COL6A2: variants seen among roughly 807,000 people sequenced by gnomAD.
The protein encoded by COL6A2 is collagen type VI alpha 2 chain.
COL6A2 carries 90 observed loss-of-function variants against 124.9 expected under a neutral mutation model. That is an observed-to-expected ratio of 0.72 (90% CI 0.61 to 0.86). The LOEUF (loss-of-function observed/expected upper bound fraction) is 0.86, where lower values mean the gene tolerates loss of function less well. Ranked by LOEUF, COL6A2 falls within the 40% of genes least tolerant of loss-of-function variation. COL6A2 has a pLI of 0.00. For missense variants in COL6A2, 1,607 were observed against 1,502.5 expected, an observed-to-expected ratio of 1.07 and a Z score of -1.15; for synonymous variants, 793 against 618.2, an observed-to-expected ratio of 1.28 and a Z score of -4.19.
At chr21:46,129,252 C>A (rs774439734) in intron 27 of COL6A2, 3 of 1,612,938 alleles carry the variant, frequency 1.9e-6, no homozygotes, top group African/African-American at 1.3e-5. Context: ...GGAAGAGGGG[C>A]CGGACGCCAC....
At chr21:46,108,074 T>G (rs1206634503) in intron 1 of COL6A2, among the ~76,000 whole-genome samples, 1 of 151,636 alleles carries the variant, frequency 6.6e-6, no homozygotes, top group Non-Finnish European at 1.5e-5. Context: ...TTCTCTTTCT[T>G]TCTCTCTTTC....
intron 1 of COL6A2, among the ~76,000 whole-genome samples, chr21:46,102,684 T>C (rs748146622): frequency 6.7e-5 from 10 of 148,784 alleles, no homozygotes; most frequent in Non-Finnish European, 1.0e-4. Flanking sequence ...CTTCATTCTG[T>C]TAATGTGTAT....
intron 26 of COL6A2, 73 bp from the exon 27 acceptor site, chr21:46,126,429 AG>A (rs2078669084): frequency 6.3e-7 from 1 of 1,591,992 alleles, no homozygotes; most frequent in Admixed American, 1.7e-5. Flanking sequence ...CTGTCTAGGC[AG>A]ATCAGTGAAC....
chr21:46,118,734 C>T (rs2078515195), intron 13 of COL6A2, 58 bp downstream of exon 13: 1 of 1,547,724 alleles, frequency 6.5e-7, no homozygotes, highest in African/African-American at 1.4e-5. Flanking sequence ...GCCCATGGCC[C>T]AGATGAACAG....
At chr21:46,118,736 G>T in intron 13 of COL6A2, 60 bp downstream of exon 13, 1 of 1,548,412 alleles carries the variant, frequency 6.5e-7, no homozygotes, top group South Asian at 1.2e-5. Context: ...CCATGGCCCA[G>T]ATGAACAGTC....
chr21:46,117,326 C>T, intron 10 of COL6A2, 74 bp from the exon 11 acceptor site: 2 of 1,455,506 alleles, frequency 1.4e-6, no homozygotes, highest in Non-Finnish European at 1.9e-6. Context: ...ACCGGGTGGG[C>T]TGTGTCTTGG....
At chr21:46,120,960 T>C (rs2078556665) in intron 16 of COL6A2, 101 bp from the exon 17 acceptor site, 1 of 1,152,914 alleles carries the variant, frequency 8.7e-7, no homozygotes, top group African/African-American at 1.5e-5. Flanking sequence ...GCCAGACCCG[T>C]CTTACCCCCG....
chr21:46,124,852 C>A, intron 22 of COL6A2, 33 bp from the exon 23 acceptor site: 1 of 1,612,674 alleles, frequency 6.2e-7, no homozygotes, highest in Non-Finnish European at 8.5e-7. Context: ...CAGCCTTGGC[C>A]CCAGAGTCTC....
intron 21 of COL6A2, among the ~76,000 whole-genome samples, chr21:46,123,761 TGGGG>T: frequency 7.8e-6 from 1 of 127,898 alleles, no homozygotes; most frequent in Admixed American, 7.5e-5. Flanking sequence ...AATGGATGAG[TGGGG>T]GGATGGATGG....
At position 46,116,222 on chromosome 21, in the gene COL6A2, C is replaced by T. The variant is rs1266614366; in HGVS notation, c.901-155C>T. 3.3e-5 allele frequency among the ~76,000 whole-genome samples: 5 copies of T among 152,158 alleles called. No homozygotes were observed. Among genetic ancestry groups the T allele is most frequent in the African/African-American group, 7.2e-5 (3 of 41,450 alleles). On this transcript the variant is annotated intron_variant, in intron 7 of 27. Coordinates refer to ENST00000300527, the MANE Select transcript of COL6A2 (RefSeq NM_001849.4). The surrounding 1 kb of genome is among the most constrained non-coding windows in gnomAD (Gnocchi z 4.6). ...CCGTCCCAAAACCCAGCCTCCAGCC[C>T]GACCCAGGGCTCAGCCTCCTCCGCA...
At chr21:46,123,051 C>T in intron 21 of COL6A2, 114 bp downstream of exon 21, 1 of 1,015,724 alleles carries the variant, frequency 9.8e-7, no homozygotes, top group Non-Finnish European at 1.5e-6. Flanking sequence ...TGGCCCCAGC[C>T]ATGAGCACCA....
In COL6A2 at chr21:46,120,122, G is replaced by GGCCCCCACTGAGGTACCGCTCACCCCCCA. The variant is rs1212900281; in HGVS notation, c.1332+285_1332+286insTACCGCTCACCCCCCAGCCCCCACTGAGG. On this transcript the variant is annotated intron_variant, in intron 15 of 27. Transcript: ENST00000300527. ...CACTGAGGCACCACTCACACCCCCC[G>GGCCCCCACTGAGGTACCGCTCACCCCCCA]GCCCCCACTGAGGCACCTCTTACCC... is the stretch of plus-strand genomic sequence containing the variant. 1.1e-3 allele frequency among the ~76,000 whole-genome samples: 17 copies of GGCCCCCACTGAGGTACCGCTCACCCCCCA among 16,036 alleles called. 1 individual carries two copies. Among genetic ancestry groups the GGCCCCCACTGAGGTACCGCTCACCCCCCA allele is most frequent in the East Asian group, 4.1e-3 (2 of 490 alleles). 10.5% of individuals were successfully genotyped at this position (16,036 alleles called of 152,430 possible). A position where few individuals can be genotyped will look rare whatever the true frequency, so the allele number is the denominator to read the frequency against.
chr21:46,125,111 G>A lies in COL6A2; in HGVS notation c.1771-155G>A, dbSNP rs560421288. On this transcript the variant is annotated intron_variant, in intron 23 of 27. Transcript: ENST00000300527. ...CAAGGTTGGTGGGGGGAGGAGGGTG[G>A]CAGCGAGGTTGGTAGGGACAGGACC... 3.9e-5 allele frequency among the ~76,000 whole-genome samples: 6 copies of A among 152,230 alleles called. No individual in the cohort carries two copies. The South Asian group carries it at 1.0e-3, about 26-fold the overall frequency.
rs533372765 is a variant in COL6A2 at position 46,117,779 on chromosome 21, C to T, written c.1054-95C>T. 1.3e-5 allele frequency: 16 copies of T among 1,268,150 alleles called. No homozygotes were observed. The African/African-American group carries it at 1.6e-4, about 13-fold the overall frequency. 78.6% of individuals were successfully genotyped at this position (1,268,150 alleles called of 1,614,324 possible). The stretch of plus-strand genomic sequence containing the variant: ...GGCCTCACAGTGAGGGTGGGAGGTG[C>T]GTCCCGGGCTGGGACAATGGAGCAC... On this transcript the variant is annotated intron_variant, in intron 11 of 27. Transcript: ENST00000300527.
chr21:46,104,368 G>A (rs1479928725), intron 1 of COL6A2, among the ~76,000 whole-genome samples: 1 of 152,156 alleles, frequency 6.6e-6, no homozygotes, highest in Non-Finnish European at 1.5e-5. Flanking sequence ...AAATTCTGGA[G>A]CTGAAAAGTA....
intron 17 of COL6A2, 79 bp downstream of exon 17, chr21:46,121,202 C>A: frequency 1.4e-6 from 2 of 1,391,946 alleles, no homozygotes; most frequent in Non-Finnish European, 2.0e-6. Flanking sequence ...CAGCCTGGAG[C>A]TAGCCACTGT....
At chr21:46,129,452 C>T (rs1568944765) in intron 27 of COL6A2, 17 of 1,602,456 alleles carry the variant, frequency 1.1e-5, no homozygotes, top group Non-Finnish European at 1.5e-5. Flanking sequence ...TGCACAGGGA[C>T]ATCGTGGGGG....
chr21:46,111,628 G>A, intron 2 of COL6A2, 37 bp downstream of exon 2: 2 of 1,025,866 alleles, frequency 1.9e-6, no homozygotes, highest in Non-Finnish European at 3.0e-6. Context: ...CTGGGCATTT[G>A]GGGGGCAGTT....
At chr21:46,109,346 A>G (rs1392844934) in intron 1 of COL6A2, among the ~76,000 whole-genome samples, 2 of 152,154 alleles carry the variant, frequency 1.3e-5, no homozygotes, top group East Asian at 3.9e-4. Flanking sequence ...AAGGCCTCAG[A>G]GAGGGGAAGT....
Sources: allele counts gnomAD v4.1 joint callset (sites outside exome capture counted in the v4.1 genomes callset), GRCh38; gene constraint gnomAD v4.1.1; non-coding constraint Gnocchi (gnomAD v3.1); transcripts MANE v1.5; gene names NCBI Gene and HGNC (gene_info 2026-07-23, HGNC 2026-07-21).